RSRC1: variants seen among roughly 807,000 people sequenced by gnomAD.
RSRC1 encodes the protein arginine and serine rich coiled-coil 1, also known as serine/Arginine-related protein 53.
In RSRC1, 39 loss-of-function variants were observed where a neutral mutation model predicts 49.1. The observed-to-expected ratio is 0.79, with a 90% CI of 0.61 to 1.04. The LOEUF is 1.04. Among genes scored for constraint, RSRC1 ranks in the 50% least tolerant of loss-of-function variants. The pLI is 0.00. For synonymous variants in RSRC1, 143 were observed against 130.8 expected (o/e 1.09, Z -0.63); for missense variants, 388 against 402.4 (o/e 0.96, Z 0.31).
chr3:158,421,136 A>G (rs1735025227), intron 6 of RSRC1, among the ~76,000 whole-genome samples: 1 of 151,916 alleles, frequency 6.6e-6, no homozygotes, highest in Admixed American at 6.6e-5. Context: ...AAGCTGAGAC[A>G]AGTTAGTCAT....
chr3:158,220,563 C>G (rs1175211052), intron 4 of RSRC1, among the ~76,000 whole-genome samples: 1 of 151,500 alleles, frequency 6.6e-6, no homozygotes, highest in Non-Finnish European at 1.5e-5. Context: ...CAGGGTATTA[C>G]CTCTATCATA....
chr3:158,397,160 G>A (rs929572618), intron 6 of RSRC1, among the ~76,000 whole-genome samples: 1 of 152,136 alleles, frequency 6.6e-6, no homozygotes, highest in African/African-American at 2.4e-5. Context: ...ATGTACAGCT[G>A]AATCAATTCT....
intron 5 of RSRC1, among the ~76,000 whole-genome samples, chr3:158,332,807 C>A (rs1729626675): frequency 6.6e-6 from 1 of 151,734 alleles, no homozygotes; most frequent in African/African-American, 2.4e-5. Context: ...AAATCTGGAT[C>A]ATTTTACATA....
chr3:158,238,403 C>T (rs550993763), intron 4 of RSRC1, among the ~76,000 whole-genome samples: 2,548 of 152,124 alleles, frequency 0.017, 91 homozygotes, highest in African/African-American at 0.058. Flanking sequence ...GAACCCGCAT[C>T]TCCAAGTCAA....
intron 7 of RSRC1, among the ~76,000 whole-genome samples, chr3:158,506,658 A>C (rs1178363479): frequency 6.6e-6 from 1 of 151,652 alleles, no homozygotes; most frequent in Non-Finnish European, 1.5e-5. Flanking sequence ...GCCGTTACTG[A>C]AAAGACAAAA....
chr3:158,260,811 C>T (rs1724852070), intron 4 of RSRC1, among the ~76,000 whole-genome samples: 1 of 152,158 alleles, frequency 6.6e-6, no homozygotes, highest in East Asian at 1.9e-4. Context: ...TGGCTGAATT[C>T]TATCCCATTT....
chr3:158,333,237 TTTG>T (rs903874721), intron 5 of RSRC1, among the ~76,000 whole-genome samples: 1 of 152,150 alleles, frequency 6.6e-6, no homozygotes, highest in African/African-American at 2.4e-5. Flanking sequence ...CAAACGCTTT[TTTG>T]TTTTTAGAAA....
rs879928175 is a variant in RSRC1, at chr3:158,494,268, C to CTT, written c.652+33265_652+33266insTT. On this transcript the variant is annotated intron_variant, in intron 7 of 9. Transcript: ENST00000611884. ...AGTTACTCTGTAGGCATTCATAATG[C>CTT]ACTGGTAAATATTTGTGTCTCAAAA... 1.7e-3 allele frequency among the ~76,000 whole-genome samples: 264 copies of CTT among 152,184 alleles called. 1 individual carries two copies. Among genetic ancestry groups the CTT allele is most frequent in the Non-Finnish European group, 3.2e-3 (218 of 68,010 alleles).
chr3:158,134,265 G>A (rs562763381), intron 3 of RSRC1, among the ~76,000 whole-genome samples: 1 of 152,176 alleles, frequency 6.6e-6, no homozygotes, highest in African/African-American at 2.4e-5. Context: ...ATTCTTTACA[G>A]TAGTTTTAGC....
chr3:158,487,949 G>GAAA (rs58689210), intron 7 of RSRC1, among the ~76,000 whole-genome samples: 18 of 28,922 alleles, frequency 6.2e-4, no homozygotes, highest in Admixed American at 1.3e-3. Context: ...TCCATCTCAA[G>GAAA]AAAAAAAAAA....
At chr3:158,464,238 A>G (rs1737765435) in intron 7 of RSRC1, among the ~76,000 whole-genome samples, 1 of 152,004 alleles carries the variant, frequency 6.6e-6, no homozygotes, top group African/African-American at 2.4e-5. Flanking sequence ...AACTGCTTAG[A>G]TTTTCTGTGT....
In RSRC1 at chr3:158,545,182, G is replaced by GTTTCTAT. The variant is rs1713267228; in HGVS notation, c.*913_*919dup. On this transcript the variant is annotated 3_prime_UTR_variant, in exon 10 of 10. Coordinates refer to ENST00000611884, the MANE Select transcript of RSRC1 (RefSeq NM_001271838.2). The stretch of plus-strand genomic sequence containing the variant: ...TTAACAGCTGACATGAATATTTCCC[G>GTTTCTAT]TTTCTATTTTCTTTTTTTTTTTTTT... 2 of 110,604 alleles carry GTTTCTAT rather than the reference G, an allele frequency of 1.8e-5. No individual in the cohort carries two copies. 6.9% of individuals were successfully genotyped at this position (110,604 alleles called of 1,614,324 possible).
chr3:158,238,692 C>T (rs2107986693), intron 4 of RSRC1, among the ~76,000 whole-genome samples: 1 of 152,262 alleles, frequency 6.6e-6, no homozygotes, highest in East Asian at 1.9e-4. Flanking sequence ...GGTTCCCTTC[C>T]TTACACCTTA....
intron 3 of RSRC1, among the ~76,000 whole-genome samples, chr3:158,125,974 G>A (rs1298496976): frequency 6.6e-6 from 1 of 151,942 alleles, no homozygotes; most frequent in East Asian, 1.9e-4. Context: ...TCTTGTGACA[G>A]TCTTTGACTT....
chr3:158,470,351 CACACACACACATATAT>C (rs1391119261), intron 7 of RSRC1, among the ~76,000 whole-genome samples: 16 of 116,826 alleles, frequency 1.4e-4, no homozygotes, highest in South Asian at 9.7e-4. Context: ...CACACACACA[CACACACACACATATAT>C]ATATATATAT....
chr3:158,309,492 A>G (rs993884462), intron 5 of RSRC1, among the ~76,000 whole-genome samples: 2 of 151,952 alleles, frequency 1.3e-5, no homozygotes, highest in South Asian at 4.1e-4. Context: ...TTTAAGTGGA[A>G]TCTTAGTGAT....
At chr3:158,253,661 G>A (rs531650606) in intron 4 of RSRC1, among the ~76,000 whole-genome samples, 2 of 152,146 alleles carry the variant, frequency 1.3e-5, no homozygotes, top group Admixed American at 6.5e-5. Flanking sequence ...TGAAATTGGG[G>A]TGTTAAAATC....
At chr3:158,475,413 A>T (rs541814580) in intron 7 of RSRC1, among the ~76,000 whole-genome samples, 1 of 152,316 alleles carries the variant, frequency 6.6e-6, no homozygotes, top group African/African-American at 2.4e-5. Flanking sequence ...GCACTTGGCA[A>T]TAATGATTGC....
intron 6 of RSRC1, among the ~76,000 whole-genome samples, chr3:158,407,504 C>T (rs1203326906): frequency 6.6e-6 from 1 of 152,066 alleles, no homozygotes; most frequent in Non-Finnish European, 1.5e-5. Flanking sequence ...TAGAACCTAC[C>T]ACTAAATAAA....
Sources: allele counts gnomAD v4.1 joint callset (sites outside exome capture counted in the v4.1 genomes callset), GRCh38; gene constraint gnomAD v4.1.1; transcripts MANE v1.5; gene names NCBI Gene and HGNC (gene_info 2026-07-23, HGNC 2026-07-21).